The following VPS13B variants were observed in gnomAD, a reference collection of about 807,000 sequenced individuals.
VPS13B encodes the protein intermembrane lipid transfer protein VPS13B.
In VPS13B, 285 loss-of-function variants were observed where a neutral mutation model predicts 426.4. That is an observed-to-expected ratio of 0.67 (90% CI 0.61 to 0.74). The LOEUF (loss-of-function observed/expected upper bound fraction) is 0.74, where lower values mean the gene tolerates loss of function less well. Ranked by LOEUF, VPS13B falls within the 30% of genes least tolerant of loss-of-function variation. The pLI, the probability that VPS13B is intolerant of heterozygous loss-of-function variation, is 0.00. For missense variants in VPS13B, 4,537 were observed against 4,782.6 expected, an observed-to-expected ratio of 0.95 and a Z score of 1.51; for synonymous variants, 1,676 against 1,676.4, an observed-to-expected ratio of 1.00 and a Z score of 0.01.
intron 25 of VPS13B, among the ~76,000 whole-genome samples, chr8:99,489,372 T>A (rs187300195): frequency 1.8e-3 from 270 of 152,000 alleles, no homozygotes; most frequent in Middle Eastern, 0.01. Context: ...CTTAGGATTG[T>A]CTTGGCAATG....
At chr8:99,595,902 A>G (rs1015901590) in intron 33 of VPS13B, among the ~76,000 whole-genome samples, 9 of 151,996 alleles carry the variant, frequency 5.9e-5, no homozygotes, top group Non-Finnish European at 5.9e-5. Context: ...CAATAAGCAC[A>G]TGAAAAGTTT....
rs1168682035 is a variant in VPS13B at position 99,776,986 on chromosome 8, T to A, written c.7429+30T>A. 1.9e-6 allele frequency: 3 copies of A among 1,596,094 alleles called. No homozygotes were observed. The Admixed American group carries it at 5.0e-5, about 27-fold the overall frequency. ...TCTTTTTTTTAGCATCAGAATAACA[T>A]CCATTTAATACTTACCATTTTCTCT... is the stretch of plus-strand genomic sequence containing the variant. On this transcript the variant is annotated intron_variant, in intron 41 of 61. Coordinates refer to ENST00000357162, the MANE Select transcript of VPS13B (RefSeq NM_152564.5).
chr8:99,476,914 A>T lies in VPS13B; in HGVS notation c.3667-4685A>T, dbSNP rs141225457. Among the ~76,000 whole-genome samples the T allele has an allele frequency of 6.3e-3, 963 of 152,280 alleles. 8 individuals carry two copies. Among genetic ancestry groups the T allele is most frequent in the African/African-American group, 0.022 (904 of 41,564 alleles). ...TGAGTTTGCTCATTCGTGAATTGAC[A>T]GTTTACATTAATTTATATTTTTCTA... On this transcript the variant is annotated intron_variant, in intron 24 of 61. Transcript: ENST00000357162.
At chr8:99,050,342 T>C (rs1448349998) in intron 3 of VPS13B, among the ~76,000 whole-genome samples, 1 of 152,194 alleles carries the variant, frequency 6.6e-6, no homozygotes, top group African/African-American at 2.4e-5. Context: ...GCTTCATCCA[T>C]GTCCCTACAA....
At chr8:99,518,241 T>C (rs1279745288) in intron 29 of VPS13B, among the ~76,000 whole-genome samples, 1 of 152,206 alleles carries the variant, frequency 6.6e-6, no homozygotes, top group Non-Finnish European at 1.5e-5. Context: ...TTAGCAAATA[T>C]ACTAATTGCA....
chr8:99,247,053 A>G (rs1467663076), intron 17 of VPS13B, among the ~76,000 whole-genome samples: 1 of 152,118 alleles, frequency 6.6e-6, no homozygotes, highest in Non-Finnish European at 1.5e-5. Flanking sequence ...AACCCCTAAT[A>G]TAGTTAATTT....
At chr8:99,536,039 T>C (rs2133707939) in intron 30 of VPS13B, among the ~76,000 whole-genome samples, 1 of 151,790 alleles carries the variant, frequency 6.6e-6, no homozygotes, top group Non-Finnish European at 1.5e-5. Flanking sequence ...AACCTCTGCC[T>C]CCCAGGTTCA....
intron 26 of VPS13B, among the ~76,000 whole-genome samples, chr8:99,502,132 G>A (rs1821281351): frequency 6.6e-6 from 1 of 151,904 alleles, no homozygotes; most frequent in Admixed American, 6.6e-5. Context: ...TTACAGGCGT[G>A]CACCACGACA....
chr8:99,473,258 A>G (rs909517868), intron 24 of VPS13B, among the ~76,000 whole-genome samples: 3 of 152,094 alleles, frequency 2.0e-5, no homozygotes, highest in African/African-American at 7.2e-5. Flanking sequence ...GTTCTTAACC[A>G]AATGTTAACA....
intron 19 of VPS13B, chr8:99,340,418 G>T: frequency 2.1e-6 from 1 of 473,750 alleles, no homozygotes; most frequent in South Asian, 1.7e-5. Context: ...CTTCAGAAAA[G>T]ATCAAAGTGT....
chr8:99,641,450 T>C (rs1829355035), intron 33 of VPS13B, among the ~76,000 whole-genome samples: 2 of 152,190 alleles, frequency 1.3e-5, no homozygotes, highest in South Asian at 4.1e-4. Flanking sequence ...AGACAGTTTA[T>C]TATATTGCTT....
chr8:99,538,258 A>G (rs1381319059), intron 30 of VPS13B, among the ~76,000 whole-genome samples: 2 of 152,162 alleles, frequency 1.3e-5, no homozygotes, highest in East Asian at 1.9e-4. Flanking sequence ...ATGATTATAC[A>G]TGTTCTTTGT....
chr8:99,123,296 T>C (rs1170411969), intron 8 of VPS13B, among the ~76,000 whole-genome samples: 2 of 152,056 alleles, frequency 1.3e-5, no homozygotes, highest in African/African-American at 4.8e-5. Flanking sequence ...TTATTGATAT[T>C]TGAGAATGAA....
intron 51 of VPS13B, among the ~76,000 whole-genome samples, chr8:99,824,843 C>G (rs1814581210): frequency 6.6e-6 from 1 of 151,942 alleles, no homozygotes; most frequent in African/African-American, 2.4e-5. Context: ...TTTTCTGTTC[C>G]TGTGTTAGTT....
intron 31 of VPS13B, among the ~76,000 whole-genome samples, chr8:99,569,456 A>C (rs561156484): frequency 6.6e-6 from 1 of 151,990 alleles, no homozygotes; most frequent in South Asian, 2.1e-4. Context: ...GGAAAAAAAA[A>C]AAAAGAAAAA....
At chr8:99,253,732 A>C (rs978083013) in intron 17 of VPS13B, among the ~76,000 whole-genome samples, 48 of 152,276 alleles carry the variant, frequency 3.2e-4, no homozygotes, top group Non-Finnish European at 6.0e-4. Context: ...TATTAAATGC[A>C]ATAATTGATA....
chr8:99,400,326 C>T (rs1447636325), intron 21 of VPS13B, among the ~76,000 whole-genome samples: 1 of 152,188 alleles, frequency 6.6e-6, no homozygotes, highest in Admixed American at 6.5e-5. Flanking sequence ...TTCTTGGTTT[C>T]CTTCAGCACA....
Position 99,115,678 on chromosome 8 carries a change from TTA to T in VPS13B, c.763-20_763-19del. On this transcript the variant is annotated intron_variant, in intron 6 of 61. Transcript: ENST00000357162. ...CTTTTTAAACATGCGTTTGTTGGTG[TTA>T]TGTCTTTTTCAAAATGCAGATTCAT... The T allele has an allele frequency of 6.2e-7, 1 of 1,610,842 alleles. No individual in the cohort carries two copies. Among genetic ancestry groups the T allele is most frequent in the South Asian group, 1.1e-5 (1 of 90,570 alleles).
rs187466775 is a variant in VPS13B at position 99,314,709 on chromosome 8, C to T, written c.2824+39455C>T. The stretch of plus-strand genomic sequence containing the variant: ...CATGCAATCCTCCTGCCTTGGCCTC[C>T]GTAAGTACTGGGATTATGAGCGAGA... On this transcript the variant is annotated intron_variant, in intron 19 of 61. Coordinates refer to ENST00000357162, the MANE Select transcript of VPS13B (RefSeq NM_152564.5). Among the ~76,000 whole-genome samples the T allele has an allele frequency of 8.6e-5, 13 of 150,482 alleles. No individual in the cohort carries two copies. In the East Asian group the frequency reaches 1.6e-3, roughly 18 times the overall value.
Sources: gnomAD v4.1 joint callset for allele counts (sites outside exome capture counted in the v4.1 genomes callset) on GRCh38, gnomAD v4.1.1 for gene constraint, MANE v1.5 for transcripts, NCBI Gene and HGNC (gene_info 2026-07-23, HGNC 2026-07-21) for gene names.